The following CDH15 variants were observed in gnomAD, a reference collection of about 807,000 sequenced individuals.
CDH15 encodes cadherin-15.
Under a neutral mutation model 69.4 loss-of-function variants are expected in CDH15, and 73 were observed. The observed-to-expected ratio is 1.05, with a 90% CI of 0.87 to 1.28. The LOEUF (loss-of-function observed/expected upper bound fraction) is 1.28, where lower values mean the gene tolerates loss of function less well. Ranked by LOEUF, CDH15 falls within the 50% of genes most tolerant of loss-of-function variation. The pLI, the probability that CDH15 is intolerant of heterozygous loss-of-function variation, is 0.00. For synonymous variants in CDH15, 624 were observed against 507.7 expected (o/e 1.23, Z -3.08); for missense variants, 1,343 against 1,133.6 (o/e 1.18, Z -2.65).
At chr16:89,178,779 C>T (rs142810089) in intron 1 of CDH15, among the ~76,000 whole-genome samples, 15 of 152,336 alleles carry the variant, frequency 9.8e-5, no homozygotes, top group South Asian at 2.1e-4. Context: ...TCTCGCATCC[C>T]GGGGTTCAGT....
chr16:89,190,949 T>G (rs568058628), intron 8 of CDH15, among the ~76,000 whole-genome samples: 11 of 152,148 alleles, frequency 7.2e-5, no homozygotes, highest in African/African-American at 2.4e-4. Context: ...TCACAGAAGG[T>G]GCTGGTGACT....
At chr16:89,177,704 C>A (rs1222953136) in intron 1 of CDH15, among the ~76,000 whole-genome samples, 1 of 152,202 alleles carries the variant, frequency 6.6e-6, no homozygotes, top group Non-Finnish European at 1.5e-5. Context: ...TGTGCCCCAA[C>A]GAGCTGCACC....
In CDH15 at chr16:89,193,766, C is replaced by T; in HGVS notation, c.2004C>T (p.Asp668=). 6.2e-7 allele frequency: 1 copy of T among 1,604,372 alleles called. No individual in the cohort carries two copies. Among genetic ancestry groups the T allele is most frequent in the Non-Finnish European group, 8.5e-7 (1 of 1,178,946 alleles). ...CTCCTCGCCCACAGGACGCCTACGA[C>T]ATCAGCCAGCTGCGTCACCCGACAG... is the stretch of plus-strand genomic sequence containing the variant. ...GGGEEDQDAY[D]ISQLRHPTAL... Residue 668 remains aspartate (D), a synonymous_variant, in exon 13 of 14, where the codon GAC becomes GAT. Coordinates refer to ENST00000289746, the MANE Select transcript of CDH15 (RefSeq NM_004933.3).
At chr16:89,190,735 C>T (rs887923817) in intron 8 of CDH15, among the ~76,000 whole-genome samples, 2 of 152,080 alleles carry the variant, frequency 1.3e-5, no homozygotes, top group African/African-American at 2.4e-5. Flanking sequence ...CCCTGCCAGC[C>T]GTGTCCATCC....
rs377584252 is a variant in CDH15 at position 89,187,499 on chromosome 16, C to T, written c.734C>T (p.Ser245Leu). Reference protein sequence around the residue: ...MSGDGLTATASAIITLDDIND... With the variant: ...MSGDGLTATALAIITLDDIND... ...GGAGACGGCCTCACAGCCACTGCCTCAGCCATCATCACCCTTGATGACATC... is the reference window on the plus strand; with the variant it reads ...GGAGACGGCCTCACAGCCACTGCCTTAGCCATCATCACCCTTGATGACATC... The change falls in exon 6 of 14, where the codon TCA becomes TTA. Residue 245 changes from serine to leucine, a missense_variant. By Grantham distance (145) the Ser-to-Leu change is moderately radical. Transcript: ENST00000289746. 6.2e-7 allele frequency: 1 copy of T among 1,613,734 alleles called. No homozygotes were observed.
chr16:89,187,293 C>T lies in CDH15; in HGVS notation c.664-136C>T, dbSNP rs1915511515. 3.1e-6 allele frequency: 3 copies of T among 958,420 alleles called. No homozygotes were observed. In the Admixed American group the frequency reaches 5.9e-5, roughly 19 times the overall value. The allele number at this position is 958,420 out of a possible 1,614,324, so 59.4% of individuals were successfully genotyped here. A position where few individuals can be genotyped will look rare whatever the true frequency, so the allele number is the denominator to read the frequency against. ...AGGATCAGGGCAGGATTCTCAGGGC[C>T]ACTTGGGGTCTTCAACACCCACTGG... On this transcript the variant is annotated intron_variant, in intron 5 of 13. Coordinates refer to ENST00000289746, the MANE Select transcript of CDH15 (RefSeq NM_004933.3).
intron 3 of CDH15, among the ~76,000 whole-genome samples, chr16:89,181,246 C>T (rs555187125): frequency 6.6e-6 from 1 of 152,256 alleles, no homozygotes; most frequent in East Asian, 1.9e-4. Context: ...ATCCCAGTGG[C>T]CGCCACTGTT....
intron 8 of CDH15, 32 bp downstream of exon 8, chr16:89,190,528 G>C (rs1915615634): frequency 6.4e-7 from 1 of 1,567,344 alleles, no homozygotes; most frequent in Non-Finnish European, 8.6e-7. Flanking sequence ...GAGAGGTAGA[G>C]GAGGCTAACG....
chr16:89,177,044 G>T (rs1052110554), intron 1 of CDH15, among the ~76,000 whole-genome samples: 4 of 152,098 alleles, frequency 2.6e-5, no homozygotes, highest in African/African-American at 9.7e-5. Flanking sequence ...TTGGGGAGCT[G>T]CTGCCACCCC....
intron 3 of CDH15, among the ~76,000 whole-genome samples, chr16:89,181,602 G>A (rs1028969394): frequency 2.0e-5 from 3 of 151,632 alleles, no homozygotes; most frequent in African/African-American, 7.3e-5. Flanking sequence ...GCGCCGCTGC[G>A]CTCCAGCCTA....
chr16:89,179,646 A>T, intron 2 of CDH15, 72 bp downstream of exon 2: 1 of 1,453,770 alleles, frequency 6.9e-7, no homozygotes, highest in Non-Finnish European at 9.3e-7. Flanking sequence ...TCATTCTCTA[A>T]AGGTCTCCTG....
rs1166027447 is a variant in CDH15, at chr16:89,180,366, G to T, written c.357+11G>T. On this transcript the variant is annotated intron_variant, in intron 3 of 13. Coordinates refer to ENST00000289746, the MANE Select transcript of CDH15 (RefSeq NM_004933.3). The stretch of plus-strand genomic sequence containing the variant: ...ACTGATCGCTTCAGGGTGCGGAGCT[G>T]CGTGGTCGGACCTGTGCCCCTCAAG... The T allele has an allele frequency of 3.1e-6, 5 of 1,609,440 alleles. No homozygotes were observed. In the African/African-American group the frequency reaches 6.7e-5, roughly 22 times the overall value.
At chr16:89,179,325 T>C in intron 1 of CDH15, 91 bp from the exon 2 acceptor site, 1 of 1,471,542 alleles carries the variant, frequency 6.8e-7, no homozygotes, top group Non-Finnish European at 9.4e-7. Context: ...CTGCGCCCCG[T>C]GGCCTCCTCA....
At chr16:89,184,158 G>C (rs1915432921) in intron 4 of CDH15, among the ~76,000 whole-genome samples, 1 of 152,228 alleles carries the variant, frequency 6.6e-6, no homozygotes, top group Non-Finnish European at 1.5e-5. Context: ...CCTCGTGTCT[G>C]AGGCTACCAA....
chr16:89,194,062 C>T (rs1327044108), intron 13 of CDH15, 149 bp downstream of exon 13: 47 of 985,574 alleles, frequency 4.8e-5, no homozygotes, highest in East Asian at 1.1e-4. Context: ...AGATGGTGTG[C>T]GGGCGGGAGT....
chr16:89,179,365 G>A (rs367941530), intron 1 of CDH15, 51 bp from the exon 2 acceptor site: 50 of 1,607,778 alleles, frequency 3.1e-5, no homozygotes, highest in East Asian at 1.6e-4. Context: ...GCACGCTGCC[G>A]CCCAGGGCTC....
rs1419856684 is a variant in CDH15, at chr16:89,191,810, C to A, written c.1531C>A (p.Pro511Thr). ...LLLGATDEDL[P>T]PHGAPFHFQL... ...CCTGGGCGCCACGGATGAGGACCTGCCCCCCCACGGGGCCCCCTTCCACTT... is the reference window on the plus strand; with the variant it reads ...CCTGGGCGCCACGGATGAGGACCTGACCCCCCACGGGGCCCCCTTCCACTT... The change falls in exon 10 of 14, where the codon CCC becomes ACC. Residue 511 changes from proline (P) to threonine (T), a missense_variant. Transcript: ENST00000289746. 3 of 1,604,594 alleles carry A rather than the reference C, an allele frequency of 1.9e-6. No individual in the cohort carries two copies. The highest frequency in any genetic ancestry group is 1.7e-5 in the Admixed American group (1 of 59,876).
chr16:89,184,229 C>T (rs1021947016), intron 4 of CDH15, among the ~76,000 whole-genome samples: 1 of 152,192 alleles, frequency 6.6e-6, no homozygotes, highest in Non-Finnish European at 1.5e-5. Context: ...CCTCAGTTTC[C>T]TTCCCGTGTC....
Position 89,195,058 on chromosome 16 carries a change from C to A in CDH15, c.2348C>A (p.Pro783Gln), listed in dbSNP as rs200243934. 6.2e-7 allele frequency: 1 copy of A among 1,612,456 alleles called. No individual in the cohort carries two copies. Among genetic ancestry groups the A allele is most frequent in the Non-Finnish European group, 8.5e-7 (1 of 1,179,840 alleles). ...CGGCTGGCAGACATGTATGGGCACC[C>A]GTGCGGGTTGGAGTACGGGGCCAGA... ...FARLADMYGH[P>Q]CGLEYGARWD... The change falls in exon 14 of 14, where the codon CCG becomes CAG. Residue 783 changes from proline (P) to glutamine (Q), a missense_variant. Coordinates refer to ENST00000289746, the MANE Select transcript of CDH15 (RefSeq NM_004933.3).
Sources: allele counts gnomAD v4.1 joint callset (sites outside exome capture counted in the v4.1 genomes callset), GRCh38; gene constraint gnomAD v4.1.1; transcripts MANE v1.5; gene names NCBI Gene and HGNC (gene_info 2026-07-23, HGNC 2026-07-21).